Variants in ZBTB7C observed in about 807,000 individuals in gnomAD.
The protein encoded by ZBTB7C is zinc finger and BTB domain containing 7C.
A neutral mutation model predicts 25.7 loss-of-function variants in ZBTB7C; 8 were observed. The ratio of observed to expected loss-of-function variants is 0.31; its 90% confidence interval spans 0.18 to 0.56. ZBTB7C has a LOEUF of 0.56. Among genes scored for constraint, ZBTB7C ranks in the 20% least tolerant of loss-of-function variants. ZBTB7C has a pLI of 0.91. For synonymous variants in ZBTB7C, 394 were observed against 369.0 expected (o/e 1.07, Z -0.78); for missense variants, 824 against 855.2 (o/e 0.96, Z 0.46).
At chr18:48,115,248 ACTTTT>A (rs928862852) in intron 3 of ZBTB7C, among the ~76,000 whole-genome samples, 2 of 150,656 alleles carry the variant, frequency 1.3e-5, no homozygotes, top group Non-Finnish European at 3.0e-5. Flanking sequence ...ATGTATCAGA[ACTTTT>A]CTTTTTTTTT....
chr18:48,238,548 C>T lies in ZBTB7C; in HGVS notation c.-78-52553G>A, dbSNP rs114492349. Among the ~76,000 whole-genome samples the T allele has an allele frequency of 8.9e-3, 1,357 of 152,268 alleles. 13 individuals carry two copies. The highest frequency in any genetic ancestry group is 0.027 in the African/African-American group (1,114 of 41,532). Reference sequence around the variant, plus strand: ...TCCAGATCATGGGAGAAGGAGTTAACCTTACCTAGAGCTGAAATAAATTTA... The same window carrying T: ...TCCAGATCATGGGAGAAGGAGTTAATCTTACCTAGAGCTGAAATAAATTTA... On this transcript the variant is annotated intron_variant, in intron 2 of 4. Transcript: ENST00000590800.
intron 2 of ZBTB7C, among the ~76,000 whole-genome samples, chr18:48,270,088 G>C (rs1441648841): frequency 6.6e-6 from 1 of 152,008 alleles, no homozygotes; most frequent in Non-Finnish European, 1.5e-5. Context: ...GGGAGAGAGA[G>C]AGAAGGAATA....
At chr18:48,142,975 C>G (rs2040394392) in intron 3 of ZBTB7C, among the ~76,000 whole-genome samples, 1 of 150,392 alleles carries the variant, frequency 6.6e-6, no homozygotes, top group Non-Finnish European at 1.5e-5. Flanking sequence ...GAACAATCCA[C>G]GTGGTCTCCA....
intron 3 of ZBTB7C, among the ~76,000 whole-genome samples, chr18:48,128,414 C>G (rs2144758220): frequency 6.6e-6 from 1 of 152,378 alleles, no homozygotes; most frequent in East Asian, 1.9e-4. Flanking sequence ...TTAGAAATGT[C>G]TGCTGGCCGG....
intron 1 of ZBTB7C, among the ~76,000 whole-genome samples, chr18:48,364,452 A>G (rs758315990): frequency 6.6e-6 from 1 of 152,182 alleles, no homozygotes; most frequent in Non-Finnish European, 1.5e-5. Flanking sequence ...CAAAGAGTAC[A>G]GGAAATTCCA....
At chr18:48,324,070 C>T (rs959844771) in intron 2 of ZBTB7C, among the ~76,000 whole-genome samples, 1 of 152,172 alleles carries the variant, frequency 6.6e-6, no homozygotes. Flanking sequence ...AAAGTGGGTC[C>T]TCACCAGACA....
At chr18:48,076,539 C>T (rs768395529) in intron 3 of ZBTB7C, among the ~76,000 whole-genome samples, 14 of 152,112 alleles carry the variant, frequency 9.2e-5, no homozygotes, top group South Asian at 2.1e-4. Context: ...GGACACTGAC[C>T]CCAAATATTC....
chr18:48,229,010 G>A (rs1449210738), intron 2 of ZBTB7C, among the ~76,000 whole-genome samples: 1 of 152,148 alleles, frequency 6.6e-6, no homozygotes, highest in African/African-American at 2.4e-5. Flanking sequence ...AGGATTGTGC[G>A]AGGCTGGAGG....
chr18:48,097,548 C>A (rs2038683465), intron 3 of ZBTB7C, among the ~76,000 whole-genome samples: 2 of 152,150 alleles, frequency 1.3e-5, no homozygotes. Context: ...AGGCGTGTGC[C>A]ACCATGCCCA....
chr18:48,197,057 C>T (rs2042334651), intron 2 of ZBTB7C, among the ~76,000 whole-genome samples: 1 of 152,196 alleles, frequency 6.6e-6, no homozygotes, highest in Admixed American at 6.5e-5. Flanking sequence ...AATTCTGTCA[C>T]ATAAGATGCA....
At chr18:48,397,703 C>A (rs2048061941) in intron 1 of ZBTB7C, among the ~76,000 whole-genome samples, 1 of 152,218 alleles carries the variant, frequency 6.6e-6, no homozygotes, top group Admixed American at 6.5e-5. Flanking sequence ...TCTAAGCACA[C>A]AGATTCTAGG....
At chr18:48,105,240 C>T (rs974487419) in intron 3 of ZBTB7C, among the ~76,000 whole-genome samples, 2 of 152,198 alleles carry the variant, frequency 1.3e-5, no homozygotes, top group Non-Finnish European at 2.9e-5. Context: ...CCACTGCAGA[C>T]CTTCAAATAG....
At chr18:48,086,999 C>T (rs750868468) in intron 3 of ZBTB7C, among the ~76,000 whole-genome samples, 7 of 152,156 alleles carry the variant, frequency 4.6e-5, no homozygotes, top group Admixed American at 3.9e-4. Flanking sequence ...CTCCTCCCAG[C>T]GATTCTGAGA....
intron 2 of ZBTB7C, among the ~76,000 whole-genome samples, chr18:48,266,355 C>T (rs1415492850): frequency 6.6e-6 from 1 of 152,010 alleles, no homozygotes; most frequent in Non-Finnish European, 1.5e-5. Flanking sequence ...AGGCCTTTAA[C>T]CCCAGTCTCT....
intron 2 of ZBTB7C, among the ~76,000 whole-genome samples, chr18:48,312,143 C>T (rs2045835882): frequency 6.6e-6 from 1 of 152,246 alleles, no homozygotes; most frequent in Admixed American, 6.5e-5. Context: ...GCAGTGCCCA[C>T]GTGCTGGGCT....
Position 48,141,151 on chromosome 18 carries a change from C to CTT in ZBTB7C, c.-17+44782_-17+44783insAA, listed in dbSNP as rs905301188. On this transcript the variant is annotated intron_variant, in intron 3 of 4. Transcript: ENST00000590800. ...ATAGGCATCCCCCCCGCACCACCCC[C>CTT]CCCACTGTTCCTTCTCCTTCCTGCT... Among the ~76,000 whole-genome samples, 75 of 145,498 alleles carry CTT rather than the reference C, an allele frequency of 5.2e-4. 1 individual carries two copies. The East Asian group carries it at 0.012, about 23-fold the overall frequency.
At chr18:48,412,309 A>AC (rs2048387502), upstream of ZBTB7C, among the ~76,000 whole-genome samples, 1 of 152,256 alleles carries the variant, frequency 6.6e-6, no homozygotes, top group Admixed American at 6.5e-5. Flanking sequence ...GACTGATTCA[A>AC]GAAAAAAGAG....
At chr18:48,403,301 T>C (rs1204569369) in intron 1 of ZBTB7C, among the ~76,000 whole-genome samples, 1 of 152,198 alleles carries the variant, frequency 6.6e-6, no homozygotes, top group African/African-American at 2.4e-5. Context: ...GAAGACTCCA[T>C]CTACCTAAGC....
chr18:48,365,452 G>C (rs895404447), intron 1 of ZBTB7C, among the ~76,000 whole-genome samples: 2 of 152,206 alleles, frequency 1.3e-5, no homozygotes, highest in Non-Finnish European at 2.9e-5. Context: ...ATAAGACTCT[G>C]TCTGGCTAGT....
Sources: gnomAD v4.1 joint callset for allele counts (sites outside exome capture counted in the v4.1 genomes callset) on GRCh38, gnomAD v4.1.1 for gene constraint, MANE v1.5 for transcripts, NCBI Gene and HGNC (gene_info 2026-07-23, HGNC 2026-07-21) for gene names.